LYPLAL1: variants seen among roughly 807,000 people sequenced by gnomAD.
The protein encoded by LYPLAL1 is lysophospholipase like 1, also known as lysophospholipase-like protein 1.
A neutral mutation model predicts 19.7 loss-of-function variants in LYPLAL1; 23 were observed. That is an observed-to-expected ratio of 1.17 (90% CI 0.84 to 1.65). The LOEUF (loss-of-function observed/expected upper bound fraction) is 1.65. LYPLAL1 is among the 40% of genes most tolerant of loss of function. LYPLAL1 has a pLI of 0.00. For missense variants in LYPLAL1, 355 were observed against 279.4 expected, an observed-to-expected ratio of 1.27 and a Z score of -1.93; for synonymous variants, 119 against 96.3, an observed-to-expected ratio of 1.24 and a Z score of -1.38.
chr1:219,329,357 A>G, the LYPLAL1 span, among the ~76,000 whole-genome samples: 1 of 152,204 alleles, frequency 6.6e-6, no homozygotes, highest in Non-Finnish European at 1.5e-5. Flanking sequence ...TGATTCGTGA[A>G]TTATAAAATA....
chr1:219,210,671 A>T, intron 4 of LYPLAL1, 24 bp downstream of exon 4: 1 of 1,584,576 alleles, frequency 6.3e-7, no homozygotes, highest in Non-Finnish European at 8.6e-7. Context: ...TTAAAAAAAA[A>T]TGAAAAAAAT....
chr1:219,298,686 AAG>A, the LYPLAL1 span, among the ~76,000 whole-genome samples: 1 of 152,220 alleles, frequency 6.6e-6, no homozygotes, highest in African/African-American at 2.4e-5. Flanking sequence ...AACATTTCAA[AAG>A]AGAGGATTTT....
chr1:219,307,584 A>G, the LYPLAL1 span, among the ~76,000 whole-genome samples: 1 of 152,224 alleles, frequency 6.6e-6, no homozygotes, highest in African/African-American at 2.4e-5. Flanking sequence ...ACATTAGAGG[A>G]CAAGATACAT....
At chr1:219,270,200 C>T in the LYPLAL1 span, among the ~76,000 whole-genome samples, 7 of 152,164 alleles carry the variant, frequency 4.6e-5, no homozygotes, top group African/African-American at 1.7e-4. Context: ...TGTTTGGTGT[C>T]AATATCCGAG....
chr1:219,206,032 G>A (rs531906920), intron 3 of LYPLAL1, among the ~76,000 whole-genome samples: 27 of 152,234 alleles, frequency 1.8e-4, no homozygotes, highest in African/African-American at 6.3e-4. Flanking sequence ...AAGAGGTGTT[G>A]AAATTTAGAA....
At chr1:219,213,524 C>A (rs1016527828), downstream of LYPLAL1, among the ~76,000 whole-genome samples, 1 of 151,698 alleles carries the variant, frequency 6.6e-6, no homozygotes, top group Non-Finnish European at 1.5e-5. Flanking sequence ...TGCATCCTTA[C>A]TATGTTGAAT....
At chr1:219,340,433 G>C in the LYPLAL1 span, among the ~76,000 whole-genome samples, 1 of 152,056 alleles carries the variant, frequency 6.6e-6, no homozygotes, top group Admixed American at 6.6e-5. Context: ...TCTAATGGAA[G>C]TGGTGAACAC....
the LYPLAL1 span, among the ~76,000 whole-genome samples, chr1:219,236,305 T>A: frequency 6.6e-6 from 1 of 152,228 alleles, no homozygotes; most frequent in Non-Finnish European, 1.5e-5. Context: ...CACATTTTAA[T>A]GGATAGTGTA....
the LYPLAL1 span, among the ~76,000 whole-genome samples, chr1:219,354,824 G>A: frequency 2.6e-5 from 4 of 152,068 alleles, no homozygotes; most frequent in African/African-American, 4.8e-5. Context: ...AAAAAAAATT[G>A]AAGAGTACTA....
the LYPLAL1 span, among the ~76,000 whole-genome samples, chr1:219,388,323 C>G: frequency 3.3e-5 from 5 of 152,298 alleles, no homozygotes; most frequent in South Asian, 1.0e-3. Flanking sequence ...ATCTCTCTCT[C>G]TCTCCCTCTC....
intron 2 of LYPLAL1, among the ~76,000 whole-genome samples, chr1:219,179,890 C>G (rs918031906): frequency 6.6e-6 from 1 of 152,158 alleles, no homozygotes; most frequent in Non-Finnish European, 1.5e-5. Context: ...TGCCGTAAAT[C>G]AGGGATTGGG....
chr1:219,235,837 A>C, the LYPLAL1 span, among the ~76,000 whole-genome samples: 1 of 152,154 alleles, frequency 6.6e-6, no homozygotes. Flanking sequence ...GAGCCCAGAG[A>C]GTAAGTTGAC....
the LYPLAL1 span, among the ~76,000 whole-genome samples, chr1:219,267,466 A>G: frequency 1.3e-5 from 2 of 152,154 alleles, no homozygotes; most frequent in Non-Finnish European, 2.9e-5. Context: ...CCCTCTGCCA[A>G]ACCAAGAAAG....
chr1:219,186,431 A>G (rs565424054), intron 2 of LYPLAL1, among the ~76,000 whole-genome samples: 42 of 151,930 alleles, frequency 2.8e-4, no homozygotes, highest in Non-Finnish European at 5.2e-4. Flanking sequence ...ATCTCTAGCT[A>G]TGATTGTAGA....
chr1:219,379,640 A>C, the LYPLAL1 span, among the ~76,000 whole-genome samples: 1 of 152,212 alleles, frequency 6.6e-6, no homozygotes, highest in Non-Finnish European at 1.5e-5. Flanking sequence ...TTTGCCCTCT[A>C]TGCAGTGATT....
the LYPLAL1 span, among the ~76,000 whole-genome samples, chr1:219,383,222 A>G: frequency 6.6e-6 from 1 of 152,218 alleles, no homozygotes; most frequent in African/African-American, 2.4e-5. Flanking sequence ...TCCTAAGAAC[A>G]TTTACTTCTT....
the LYPLAL1 span, among the ~76,000 whole-genome samples, chr1:219,240,410 A>G: frequency 6.6e-6 from 1 of 152,236 alleles, no homozygotes; most frequent in South Asian, 2.1e-4. Flanking sequence ...TTTCTACAAA[A>G]TGCATTGAAA....
downstream of LYPLAL1, among the ~76,000 whole-genome samples, chr1:219,216,681 G>A (rs750089150): frequency 6.6e-6 from 1 of 151,940 alleles, no homozygotes; most frequent in Non-Finnish European, 1.5e-5. Context: ...GAAGAATTGC[G>A]GGGGCACCTC....
At chr1:219,199,695 A>T (rs1474379702) in intron 3 of LYPLAL1, among the ~76,000 whole-genome samples, 1 of 150,982 alleles carries the variant, frequency 6.6e-6, no homozygotes, top group African/African-American at 2.4e-5. Flanking sequence ...GCTCACTGCA[A>T]GCTCCGCCTC....
Sources: allele counts gnomAD v4.1 joint callset (sites outside exome capture counted in the v4.1 genomes callset), GRCh38; gene constraint gnomAD v4.1.1; transcripts MANE v1.5; gene names NCBI Gene and HGNC (gene_info 2026-07-23, HGNC 2026-07-21).